Variants in ATXN10 observed in about 807,000 individuals in gnomAD.
The protein encoded by ATXN10 is ataxin-10.
ATXN10 carries 28 observed loss-of-function variants against 52.9 expected under a neutral mutation model. The observed-to-expected ratio is 0.53, with a 90% CI of 0.39 to 0.73. ATXN10 has a LOEUF of 0.73. ATXN10 is among the 30% of genes least tolerant of loss of function. The probability of loss-of-function intolerance (pLI) is 0.00; values close to 1 mark genes in which losing one functional copy is unlikely to be tolerated. For missense variants in ATXN10, 565 were observed against 577.0 expected (o/e 0.98, Z 0.21); for synonymous variants, 226 against 221.5 (o/e 1.02, Z -0.18).
intron 9 of ATXN10, among the ~76,000 whole-genome samples, chr22:45,752,627 A>G (rs1222399595): frequency 6.6e-6 from 1 of 151,882 alleles, no homozygotes; most frequent in African/African-American, 2.4e-5. Flanking sequence ...TGGCTGCACG[A>G]TGGGCTCTGC....
chr22:45,814,084 G>T lies in ATXN10; in HGVS notation c.1237+7062G>T, dbSNP rs572972582. On this transcript the variant is annotated intron_variant, in intron 10 of 11. Transcript: ENST00000252934. ...ATTCTAGTTGAATTTATAGACCTCA[G>T]TGTGAATGGTAAAACAAAAGAGCTT... is the stretch of plus-strand genomic sequence containing the variant. Among the ~76,000 whole-genome samples the T allele has an allele frequency of 4.6e-5, 7 of 152,304 alleles. No individual in the cohort carries two copies. In the South Asian group the frequency reaches 1.5e-3, roughly 32 times the overall value.
chr22:45,769,712 C>T lies in ATXN10; in HGVS notation c.1173+29174C>T, dbSNP rs1926709578. Reference sequence around the variant, plus strand: ...AAGCCAGCCTTGGGCATCTTCCTGGCCAGGAGCCAGGCCTCTTTTCTCTTG... The same window carrying T: ...AAGCCAGCCTTGGGCATCTTCCTGGTCAGGAGCCAGGCCTCTTTTCTCTTG... On this transcript the variant is annotated intron_variant, in intron 9 of 11. Transcript: ENST00000252934. The surrounding 1 kb of genome is among the most constrained non-coding windows in gnomAD (Gnocchi z 4.2). Among the ~76,000 whole-genome samples, 1 of 152,090 alleles carries T rather than the reference C, an allele frequency of 6.6e-6. No homozygotes were observed. The highest frequency in any genetic ancestry group is 6.5e-5 in the Admixed American group (1 of 15,270).
At position 45,818,386 on chromosome 22, in the gene ATXN10, G is replaced by A. The variant is rs1407886943; in HGVS notation, c.1237+11364G>A. On this transcript the variant is annotated intron_variant, in intron 10 of 11. Transcript: ENST00000252934. The surrounding 1 kb of genome is among the most constrained non-coding windows in gnomAD (Gnocchi z 4.6). ...GCCTTGCGTTTGTCCTGCCAAGCCT[G>A]GTTGCTCAGCTCTCCCTGGCTCTCA... 6.6e-6 allele frequency among the ~76,000 whole-genome samples: 1 copy of A among 152,196 alleles called. No individual in the cohort carries two copies. The highest frequency in any genetic ancestry group is 1.5e-5 in the Non-Finnish European group (1 of 68,036).
At chr22:45,672,445 C>T (rs1052707764) in intron 1 of ATXN10, 4 of 194,116 alleles carry the variant, frequency 2.1e-5, no homozygotes, top group Non-Finnish European at 3.1e-5. Context: ...GAGCCCTTGC[C>T]GCGGCGTGCC....
intron 1 of ATXN10, among the ~76,000 whole-genome samples, chr22:45,680,711 G>C (rs1041278509): frequency 1.3e-5 from 2 of 151,182 alleles, no homozygotes; most frequent in African/African-American, 4.9e-5. Flanking sequence ...TGATCCTCCT[G>C]CCTCAGCCTC....
rs1424692558 is a variant in ATXN10, at chr22:45,766,772, CAGAA to C, written c.1173+26237_1173+26240del. On this transcript the variant is annotated intron_variant, in intron 9 of 11. Transcript: ENST00000252934. The surrounding 1 kb of genome is among the most constrained non-coding windows in gnomAD (Gnocchi z 4.6). ...AAAGATTTGCAACTTAAATCACAAA[CAGAA>C]AGCCTAATATCCATAATACAAAGAG... Among the ~76,000 whole-genome samples the C allele has an allele frequency of 6.6e-6, 1 of 151,992 alleles. No individual in the cohort carries two copies. Among genetic ancestry groups the C allele is most frequent in the Non-Finnish European group, 1.5e-5 (1 of 67,980 alleles).
intron 10 of ATXN10, among the ~76,000 whole-genome samples, chr22:45,836,487 A>G (rs1929171536): frequency 6.6e-6 from 1 of 152,104 alleles, no homozygotes; most frequent in Non-Finnish European, 1.5e-5. Context: ...TGGTCCCAAC[A>G]GGTAGCACAA....
intron 6 of ATXN10, 76 bp from the exon 7 acceptor site, chr22:45,729,349 T>C: frequency 6.9e-7 from 1 of 1,445,090 alleles, no homozygotes; most frequent in Non-Finnish European, 9.7e-7. Flanking sequence ...TCCCTTAAAG[T>C]TGCTTTCCTA....
In ATXN10 at chr22:45,769,263, G is replaced by A. The variant is rs989328515; in HGVS notation, c.1173+28725G>A. 4.6e-5 allele frequency among the ~76,000 whole-genome samples: 7 copies of A among 152,220 alleles called. No homozygotes were observed. In the South Asian group the frequency reaches 8.3e-4, roughly 18 times the overall value. On this transcript the variant is annotated intron_variant, in intron 9 of 11. Coordinates refer to ENST00000252934, the MANE Select transcript of ATXN10 (RefSeq NM_013236.4). This position sits in a 1 kb window ranked among gnomAD's most constrained non-coding sequence, Gnocchi z 4.2. ...AAGGCAGCTTTATCAAAAGAGTAACGTGTGCAGATGGGCGCCGTTCATCCC... is the reference window on the plus strand; with the variant it reads ...AAGGCAGCTTTATCAAAAGAGTAACATGTGCAGATGGGCGCCGTTCATCCC...
In ATXN10 at chr22:45,826,802, T is replaced by G. The variant is rs1412114785; in HGVS notation, c.1238-16189T>G. ...AAATGCTCAAGGTAATCCTGCAGGA[T>G]GAAATGAGAAGACAACAGACAGTAA... On this transcript the variant is annotated intron_variant, in intron 10 of 11. Coordinates refer to ENST00000252934, the MANE Select transcript of ATXN10 (RefSeq NM_013236.4). This position sits in a 1 kb window ranked among gnomAD's most constrained non-coding sequence, Gnocchi z 5.0. Among the ~76,000 whole-genome samples the G allele has an allele frequency of 6.6e-6, 1 of 152,190 alleles. No homozygotes were observed. Among genetic ancestry groups the G allele is most frequent in the Non-Finnish European group, 1.5e-5 (1 of 68,028 alleles).
At chr22:45,736,147 C>T (rs1057092019) in intron 7 of ATXN10, among the ~76,000 whole-genome samples, 2 of 151,936 alleles carry the variant, frequency 1.3e-5, no homozygotes, top group Non-Finnish European at 2.9e-5. Context: ...GTCATTTTAA[C>T]GTGGAAAATT....
At chr22:45,765,300 A>G (rs1380844916) in intron 9 of ATXN10, among the ~76,000 whole-genome samples, 2 of 152,182 alleles carry the variant, frequency 1.3e-5, no homozygotes, top group Admixed American at 1.3e-4. Flanking sequence ...GTGAGGAGCA[A>G]GACAAGTCTG....
At chr22:45,738,519 A>C (rs963565154) in intron 7 of ATXN10, 1 of 531,912 alleles carries the variant, frequency 1.9e-6, no homozygotes, top group Non-Finnish European at 3.3e-6. Context: ...TGCATTCTTG[A>C]TGGCAGATGT....
At position 45,844,875 on chromosome 22, in the gene ATXN10, A is replaced by T. The variant is rs908880198; in HGVS notation, c.*1204A>T. The T allele has an allele frequency of 3.9e-5, 6 of 152,260 alleles. No individual in the cohort carries two copies. Among genetic ancestry groups the T allele is most frequent in the African/African-American group, 1.4e-4 (6 of 41,468 alleles). 9.4% of individuals were successfully genotyped at this position (152,260 alleles called of 1,614,324 possible). On this transcript the variant is annotated 3_prime_UTR_variant, in exon 12 of 12. Coordinates refer to ENST00000252934, the MANE Select transcript of ATXN10 (RefSeq NM_013236.4). Reference sequence around the variant, plus strand: ...GTGCTTCTAAGCTTTGTGTAGACATAGTTTAACTGATTTGTAAAAATAGCT... The same window carrying T: ...GTGCTTCTAAGCTTTGTGTAGACATTGTTTAACTGATTTGTAAAAATAGCT...
intron 9 of ATXN10, among the ~76,000 whole-genome samples, chr22:45,767,019 G>A (rs1926606420): frequency 6.6e-6 from 1 of 152,196 alleles, no homozygotes; most frequent in South Asian, 2.1e-4. Flanking sequence ...CTCTTGCTGT[G>A]GTGGAAATGC....
chr22:45,757,182 G>A lies in ATXN10; in HGVS notation c.1173+16644G>A, dbSNP rs1199647877. The stretch of plus-strand genomic sequence containing the variant: ...TCTGATGGGGAGGTGGGTGGCGGGG[G>A]TGTTGACAGGAAAAATCCGACTGGC... On this transcript the variant is annotated intron_variant, in intron 9 of 11. Transcript: ENST00000252934. This position sits in a 1 kb window ranked among gnomAD's most constrained non-coding sequence, Gnocchi z 4.6. 2.6e-5 allele frequency among the ~76,000 whole-genome samples: 4 copies of A among 152,142 alleles called. No individual in the cohort carries two copies. Among genetic ancestry groups the A allele is most frequent in the South Asian group, 2.1e-4 (1 of 4,824 alleles).
intron 6 of ATXN10, among the ~76,000 whole-genome samples, chr22:45,720,480 G>A (rs932823270): frequency 2.0e-5 from 3 of 152,144 alleles, no homozygotes; most frequent in Non-Finnish European, 4.4e-5. Flanking sequence ...GGGAGTACGG[G>A]TGTGGGTCAC....
At chr22:45,706,416 T>G (rs1301629598) in intron 5 of ATXN10, among the ~76,000 whole-genome samples, 1 of 152,204 alleles carries the variant, frequency 6.6e-6, no homozygotes, top group African/African-American at 2.4e-5. Flanking sequence ...GCTGTAATCT[T>G]TATTATATTC....
intron 9 of ATXN10, among the ~76,000 whole-genome samples, chr22:45,804,491 T>C (rs1021838033): frequency 6.6e-6 from 1 of 152,202 alleles, no homozygotes; most frequent in Non-Finnish European, 1.5e-5. Context: ...AGCAAGCCTG[T>C]GTGTTAGAAT....
Sources: gnomAD v4.1 joint callset for allele counts (sites outside exome capture counted in the v4.1 genomes callset) on GRCh38, gnomAD v4.1.1 for gene constraint, Gnocchi (gnomAD v3.1) non-coding constraint, MANE v1.5 for transcripts, NCBI Gene and HGNC (gene_info 2026-07-23, HGNC 2026-07-21) for gene names.